The following NLGN1 variants were observed in gnomAD, a reference collection of about 807,000 sequenced individuals.
NLGN1 encodes the protein neuroligin-1.
Under a neutral mutation model 65.5 loss-of-function variants are expected in NLGN1, and 12 were observed. That is an observed-to-expected ratio of 0.18 (90% CI 0.12 to 0.30). The LOEUF is 0.30. NLGN1 is among the 10% of genes least tolerant of loss of function. The pLI, the probability that NLGN1 is intolerant of heterozygous loss-of-function variation, is 1.00. For missense variants in NLGN1, 750 were observed against 1,007.1 expected, an observed-to-expected ratio of 0.74 and a Z score of 3.46; for synonymous variants, 350 against 359.5, an observed-to-expected ratio of 0.97 and a Z score of 0.30.
At chr3:173,598,045 TTC>T (rs1487100109) in intron 2 of NLGN1, among the ~76,000 whole-genome samples, 1 of 152,198 alleles carries the variant, frequency 6.6e-6, no homozygotes, top group Admixed American at 6.5e-5. Flanking sequence ...CTTTTTACAG[TTC>T]TTTATTTATT....
chr3:173,780,068 T>C (rs1277078199), intron 3 of NLGN1, among the ~76,000 whole-genome samples: 1 of 152,174 alleles, frequency 6.6e-6, no homozygotes, highest in Non-Finnish European at 1.5e-5. Flanking sequence ...TAAAAAGCTA[T>C]ACATTTTCTA....
intron 1 of NLGN1, among the ~76,000 whole-genome samples, chr3:173,406,642 GCTA>G (rs1718756063): frequency 6.6e-6 from 1 of 151,312 alleles, no homozygotes; most frequent in South Asian, 2.1e-4. Context: ...CCAGTCAGAT[GCTA>G]CTATTTGTGG....
chr3:173,781,418 C>T (rs981012474), intron 3 of NLGN1, among the ~76,000 whole-genome samples: 1 of 152,092 alleles, frequency 6.6e-6, no homozygotes, highest in African/African-American at 2.4e-5. Context: ...ACATATGCAT[C>T]TACCTAATTC....
intron 4 of NLGN1, among the ~76,000 whole-genome samples, chr3:174,210,032 T>C (rs1304453738): frequency 2.6e-5 from 4 of 152,148 alleles, no homozygotes; most frequent in Admixed American, 2.6e-4. Flanking sequence ...CCAAGATCAT[T>C]TTTATCTTAC....
At chr3:173,486,025 T>A (rs1232606891) in intron 2 of NLGN1, among the ~76,000 whole-genome samples, 1 of 151,944 alleles carries the variant, frequency 6.6e-6, no homozygotes, top group Non-Finnish European at 1.5e-5. Context: ...TGATTGCCTC[T>A]TTTTCTAGTT....
intron 4 of NLGN1, among the ~76,000 whole-genome samples, chr3:174,266,097 G>C (rs1748173506): frequency 6.7e-6 from 1 of 150,342 alleles, no homozygotes; most frequent in Non-Finnish European, 1.5e-5. Context: ...TATATGTGCA[G>C]GTTTGTTACA....
At chr3:174,259,772 G>A (rs940425711) in intron 4 of NLGN1, among the ~76,000 whole-genome samples, 1 of 150,910 alleles carries the variant, frequency 6.6e-6, no homozygotes, top group African/African-American at 2.4e-5. Flanking sequence ...CCATGCTGGT[G>A]CGCTGCACCC....
intron 4 of NLGN1, among the ~76,000 whole-genome samples, chr3:173,922,195 G>T (rs1406056860): frequency 6.6e-6 from 1 of 151,898 alleles, no homozygotes; most frequent in Admixed American, 6.6e-5. Context: ...TTTAAAATTT[G>T]TATAAAGAAC....
rs552161958 is a variant in NLGN1 at position 173,683,166 on chromosome 3, A to G, written c.493+78075A>G. On this transcript the variant is annotated intron_variant, in intron 3 of 6. Coordinates refer to ENST00000457714, the Ensembl canonical transcript of NLGN1. The stretch of plus-strand genomic sequence containing the variant: ...ATTTATAAATGATGTATAAGAATCT[A>G]TTTTTTGCTCCTTATAAAATACAGA... 1.5e-4 allele frequency among the ~76,000 whole-genome samples: 23 copies of G among 152,238 alleles called. No homozygotes were observed. The South Asian group carries it at 2.7e-3, about 18-fold the overall frequency.
chr3:174,199,254 C>T (rs576839035), intron 4 of NLGN1, among the ~76,000 whole-genome samples: 2 of 151,980 alleles, frequency 1.3e-5, no homozygotes, highest in African/African-American at 4.8e-5. Context: ...CCTCAGGTTC[C>T]GTATTTGTAA....
intron 2 of NLGN1, among the ~76,000 whole-genome samples, chr3:173,583,888 A>T (rs1304414136): frequency 6.6e-6 from 1 of 152,140 alleles, no homozygotes; most frequent in African/African-American, 2.4e-5. Context: ...ACACACACAC[A>T]ATCATATTCC....
intron 4 of NLGN1, among the ~76,000 whole-genome samples, chr3:173,957,929 G>A (rs1475873314): frequency 6.6e-6 from 1 of 152,192 alleles, no homozygotes; most frequent in African/African-American, 2.4e-5. Flanking sequence ...AGCAAGGGGT[G>A]TGTGAGTGAG....
chr3:174,143,560 T>C (rs1228169431), intron 4 of NLGN1, among the ~76,000 whole-genome samples: 1 of 152,194 alleles, frequency 6.6e-6, no homozygotes, highest in Non-Finnish European at 1.5e-5. Flanking sequence ...CAAAAAAGAC[T>C]TCTATTACAT....
At chr3:173,679,957 G>A (rs1235272001) in intron 3 of NLGN1, among the ~76,000 whole-genome samples, 1 of 152,036 alleles carries the variant, frequency 6.6e-6, no homozygotes, top group Non-Finnish European at 1.5e-5. Context: ...TTATGACTGT[G>A]AAAAGAAATC....
intron 2 of NLGN1, among the ~76,000 whole-genome samples, chr3:173,554,397 A>C (rs1741386582): frequency 6.6e-6 from 1 of 152,136 alleles, no homozygotes; most frequent in African/African-American, 2.4e-5. Context: ...AAAAATACCC[A>C]CTGTAGAGTA....
intron 4 of NLGN1, among the ~76,000 whole-genome samples, chr3:174,211,424 C>G (rs1387635724): frequency 6.6e-6 from 1 of 152,046 alleles, no homozygotes; most frequent in African/African-American, 2.4e-5. Context: ...ACAGGTTCTT[C>G]AAGGCCCCAC....
chr3:173,813,955 T>G (rs1016761567), intron 4 of NLGN1, among the ~76,000 whole-genome samples: 9 of 152,256 alleles, frequency 5.9e-5, no homozygotes, highest in Non-Finnish European at 1.2e-4. Context: ...ATATTCTCAG[T>G]ATATGATTAT....
At chr3:174,201,196 T>C (rs1199906235) in intron 4 of NLGN1, among the ~76,000 whole-genome samples, 1 of 151,356 alleles carries the variant, frequency 6.6e-6, no homozygotes, top group Admixed American at 6.6e-5. Context: ...TGAACTGTGA[T>C]TGCACCACTG....
chr3:174,292,905 A>T, the NLGN1 span, among the ~76,000 whole-genome samples: 91 of 151,564 alleles, frequency 6.0e-4, no homozygotes, highest in African/African-American at 1.9e-3. Context: ...CTGTCAGAAA[A>T]TACATAGGTA....
Sources: allele counts gnomAD v4.1 joint callset (sites outside exome capture counted in the v4.1 genomes callset), GRCh38; gene constraint gnomAD v4.1.1; transcripts MANE v1.5; gene names NCBI Gene and HGNC (gene_info 2026-07-23, HGNC 2026-07-21).